Variants in ATP2B1 observed in about 807,000 individuals in gnomAD.
ATP2B1 encodes the protein ATPase plasma membrane Ca2+ transporting 1.
Under a neutral mutation model 124.2 loss-of-function variants are expected in ATP2B1, and 14 were observed. That is an observed-to-expected ratio of 0.11 (90% CI 0.07 to 0.18). ATP2B1 has a LOEUF of 0.18. ATP2B1 is among the 10% of genes least tolerant of loss of function. The pLI is 1.00. For synonymous variants in ATP2B1, 449 were observed against 492.4 expected, an observed-to-expected ratio of 0.91 and a Z score of 1.17; for missense variants, 763 against 1,466.1, an observed-to-expected ratio of 0.52 and a Z score of 7.83.
chr12:89,663,032 T>C (rs887964156), intron 1 of ATP2B1, among the ~76,000 whole-genome samples: 1 of 152,236 alleles, frequency 6.6e-6, no homozygotes, highest in African/African-American at 2.4e-5. Context: ...GGAGAATCTG[T>C]GCCATTCATT....
intron 14 of ATP2B1, 94 bp downstream of exon 14, chr12:89,610,327 G>T: frequency 1.9e-6 from 2 of 1,046,064 alleles, no homozygotes; most frequent in Non-Finnish European, 1.4e-6. Flanking sequence ...TGATATCCAT[G>T]ACTCAATCTA....
intron 1 of ATP2B1, among the ~76,000 whole-genome samples, chr12:89,679,866 C>T (rs766557177): frequency 1.3e-4 from 20 of 151,978 alleles, no homozygotes; most frequent in African/African-American, 4.3e-4. Flanking sequence ...GGAATAGCAG[C>T]GGAAATGGCA....
At chr12:89,642,125 T>A in intron 3 of ATP2B1, 33 bp downstream of exon 3, 1 of 1,565,118 alleles carries the variant, frequency 6.4e-7, no homozygotes, top group East Asian at 2.2e-5. Flanking sequence ...TGAACTAGCA[T>A]CAGACATGTC....
chr12:89,625,913 G>A (rs1390744671), intron 8 of ATP2B1, among the ~76,000 whole-genome samples: 1 of 152,150 alleles, frequency 6.6e-6, no homozygotes, highest in Non-Finnish European at 1.5e-5. Context: ...CTTCCAAAAA[G>A]ATGCTACCGC....
intron 2 of ATP2B1, among the ~76,000 whole-genome samples, chr12:89,653,287 T>C (rs1037860477): frequency 1.0e-4 from 1 of 9,958 alleles, no homozygotes; most frequent in African/African-American, 1.3e-4. Flanking sequence ...TTTTTTCTTT[T>C]TTTTTTTTTT....
intron 1 of ATP2B1, among the ~76,000 whole-genome samples, chr12:89,671,599 G>C (rs543504655): frequency 6.6e-6 from 1 of 151,992 alleles, no homozygotes; most frequent in African/African-American, 2.4e-5. Context: ...GTAACTAACC[G>C]GTCTTTGAGA....
At chr12:89,659,191 A>G (rs1331063372) in intron 1 of ATP2B1, among the ~76,000 whole-genome samples, 1 of 152,200 alleles carries the variant, frequency 6.6e-6, no homozygotes, top group African/African-American at 2.4e-5. Flanking sequence ...ATAGAATTTT[A>G]TCTTCTACTT....
At chr12:89,595,684 T>G (rs1015458130) in intron 20 of ATP2B1, among the ~76,000 whole-genome samples, 2 of 152,130 alleles carry the variant, frequency 1.3e-5, no homozygotes, top group Non-Finnish European at 2.9e-5. Context: ...TAGTTCTATA[T>G]TTTGGCTGAT....
At chr12:89,699,827 C>T (rs914574691) in intron 1 of ATP2B1, among the ~76,000 whole-genome samples, 9 of 151,978 alleles carry the variant, frequency 5.9e-5, no homozygotes, top group African/African-American at 2.2e-4. Context: ...AACAGTAGTG[C>T]TTAAGCTCAA....
At chr12:89,674,246 GTTGA>G (rs1218108564) in intron 1 of ATP2B1, among the ~76,000 whole-genome samples, 1 of 151,630 alleles carries the variant, frequency 6.6e-6, no homozygotes, top group East Asian at 1.9e-4. Context: ...GTATATACTG[GTTGA>G]TTCTTTTTTT....
intron 2 of ATP2B1, among the ~76,000 whole-genome samples, chr12:89,653,385 T>C (rs550581915): frequency 5.1e-4 from 72 of 141,616 alleles, no homozygotes; most frequent in African/African-American, 1.6e-3. Context: ...CAAGCTCCGC[T>C]TCCCGGGTTC....
chr12:89,700,930 T>C (rs963861812), intron 1 of ATP2B1, among the ~76,000 whole-genome samples: 1 of 152,224 alleles, frequency 6.6e-6, no homozygotes, highest in African/African-American at 2.4e-5. Flanking sequence ...CTCTTATTTT[T>C]TCAAGCATTT....
chr12:89,625,694 A>C (rs930345174), intron 8 of ATP2B1, among the ~76,000 whole-genome samples: 2 of 151,966 alleles, frequency 1.3e-5, no homozygotes, highest in African/African-American at 4.8e-5. Flanking sequence ...TGGATTTACC[A>C]CCTCAAATCC....
At chr12:89,620,832 T>C (rs1879840113) in intron 10 of ATP2B1, among the ~76,000 whole-genome samples, 1 of 152,158 alleles carries the variant, frequency 6.6e-6, no homozygotes, top group African/African-American at 2.4e-5. Flanking sequence ...GACTTTCAGC[T>C]AGTAAAAGGC....
At chr12:89,659,590 T>A (rs1213944796) in intron 1 of ATP2B1, among the ~76,000 whole-genome samples, 1 of 152,200 alleles carries the variant, frequency 6.6e-6, no homozygotes. Flanking sequence ...CCTTCTTTCA[T>A]AAGGTTACTT....
chr12:89,678,159 G>T (rs1888909742), intron 1 of ATP2B1, among the ~76,000 whole-genome samples: 1 of 151,484 alleles, frequency 6.6e-6, no homozygotes, highest in Admixed American at 6.6e-5. Context: ...AATGACTGGT[G>T]ACCAAAAAAC....
chr12:89,671,145 A>G (rs947290272), intron 1 of ATP2B1, among the ~76,000 whole-genome samples: 1 of 152,150 alleles, frequency 6.6e-6, no homozygotes, highest in Non-Finnish European at 1.5e-5. Flanking sequence ...AACCTAATAA[A>G]ATGGATTGAG....
chr12:89,639,341 T>C (rs1883163707), intron 3 of ATP2B1, among the ~76,000 whole-genome samples: 1 of 151,990 alleles, frequency 6.6e-6, no homozygotes, highest in Non-Finnish European at 1.5e-5. Flanking sequence ...CCGTGTCTAC[T>C]AAAAATACAA....
chr12:89,589,546 T>C lies in ATP2B1; in HGVS notation c.*1438A>G, dbSNP rs1408924855. ...AATGTATCAAAGACAATGGTGGTCA[T>C]TGTTGTTATGTTTTTTACCTGTGAG... On this transcript the variant is annotated 3_prime_UTR_variant, in exon 21 of 21. Coordinates refer to ENST00000428670, the MANE Select transcript of ATP2B1 (RefSeq NM_001366521.1). 2 of 152,126 alleles carry C rather than the reference T, an allele frequency of 1.3e-5. No individual in the cohort carries two copies. The highest frequency in any genetic ancestry group is 4.8e-5 in the African/African-American group (2 of 41,438). 9.4% of individuals were successfully genotyped at this position (152,126 alleles called of 1,614,324 possible).
Sources: allele counts gnomAD v4.1 joint callset (sites outside exome capture counted in the v4.1 genomes callset), GRCh38; gene constraint gnomAD v4.1.1; transcripts MANE v1.5; gene names NCBI Gene and HGNC (gene_info 2026-07-23, HGNC 2026-07-21).